Variants in NCKAP1 observed in about 807,000 individuals in gnomAD.
The protein encoded by NCKAP1 is NCK associated protein 1, also known as nck-associated protein 1.
In NCKAP1, 21 loss-of-function variants were observed where a neutral mutation model predicts 151.2. The observed-to-expected ratio is 0.14, with a 90% CI of 0.10 to 0.20. The LOEUF (loss-of-function observed/expected upper bound fraction) is 0.20. NCKAP1 is among the 10% of genes least tolerant of loss of function. The pLI, the probability that NCKAP1 is intolerant of heterozygous loss-of-function variation, is 1.00. For missense variants in NCKAP1, 933 were observed against 1,352.1 expected, an observed-to-expected ratio of 0.69 and a Z score of 4.86; for synonymous variants, 484 against 451.8, an observed-to-expected ratio of 1.07 and a Z score of -0.90.
Position 182,967,377 on chromosome 2 carries a change from A to G in NCKAP1, c.1483-16T>C. 6.3e-7 allele frequency: 1 copy of G among 1,581,688 alleles called. No homozygotes were observed. Among genetic ancestry groups the G allele is most frequent in the African/African-American group, 1.4e-5 (1 of 72,678 alleles). ...TAGTATATGCCTATAAAGTACAAAA[A>G]AAAAAAAGTAGTTCAGGTAAACATA... On this transcript the variant is annotated splice_polypyrimidine_tract_variant and intron_variant, in intron 15 of 30. Transcript: ENST00000361354.
rs1315042137 is a variant in NCKAP1 at position 182,919,955 on chromosome 2, A to G, written c.*5747T>C. On this transcript the variant is annotated 3_prime_UTR_variant, in exon 31 of 31. Coordinates refer to ENST00000361354, the MANE Select transcript of NCKAP1 (RefSeq NM_013436.5). ...GAGTGAGCCACCGCGTCTGGCCTTA[A>G]TTATTATCGAGACCGGCTCTTGCTC... 1 of 152,056 alleles carries G rather than the reference A, an allele frequency of 6.6e-6. No individual in the cohort carries two copies. The highest frequency in any genetic ancestry group is 1.5e-5 in the Non-Finnish European group (1 of 68,064). 9.4% of individuals were successfully genotyped at this position (152,056 alleles called of 1,614,324 possible).
At position 182,917,957 on chromosome 2, in the gene NCKAP1, G is replaced by A. The variant is rs1232390441; in HGVS notation, c.*7745C>T. 2.0e-5 allele frequency: 3 copies of A among 152,104 alleles called. No homozygotes were observed. Among genetic ancestry groups the A allele is most frequent in the African/African-American group, 7.2e-5 (3 of 41,400 alleles). The allele number at this position is 152,104 out of a possible 1,614,324, so 9.4% of individuals were successfully genotyped here. A position where few individuals can be genotyped will look rare whatever the true frequency, so the allele number is the denominator to read the frequency against. ...CAGAAAGTGGGCATAGTGTCCCCAA[G>A]CCCACAGTCATTTACCCAGGAAATG... On this transcript the variant is annotated 3_prime_UTR_variant, in exon 31 of 31. Coordinates refer to ENST00000361354, the MANE Select transcript of NCKAP1 (RefSeq NM_013436.5).
chr2:182,983,674 T>C (rs1439863041), intron 10 of NCKAP1, among the ~76,000 whole-genome samples: 1 of 151,310 alleles, frequency 6.6e-6, no homozygotes, highest in African/African-American at 2.4e-5. Flanking sequence ...CATCTAGCTA[T>C]TTATTTATGA....
Position 182,977,020 on chromosome 2 carries a change from T to C in NCKAP1, c.1424-69A>G. ...GTTTTCACAATCTATAAGCACATTT[T>C]AAATTTTAAGAGCTAAGACAATTCT... On this transcript the variant is annotated intron_variant, in intron 14 of 30. Transcript: ENST00000361354. The C allele has an allele frequency of 4.4e-6, 5 of 1,130,470 alleles. No homozygotes were observed. In the South Asian group the frequency reaches 6.9e-5, roughly 16 times the overall value. 70.0% of individuals were successfully genotyped at this position (1,130,470 alleles called of 1,614,324 possible).
chr2:183,025,775 T>C (rs2105895740), intron 1 of NCKAP1, among the ~76,000 whole-genome samples: 1 of 152,270 alleles, frequency 6.6e-6, no homozygotes, highest in Admixed American at 6.5e-5. Flanking sequence ...CAAACACAAA[T>C]AGCTATAGAT....
intron 17 of NCKAP1, among the ~76,000 whole-genome samples, chr2:182,963,732 C>A (rs1205161264): frequency 2.0e-5 from 3 of 151,956 alleles, no homozygotes; most frequent in African/African-American, 7.2e-5. Flanking sequence ...TGATGGTGAG[C>A]AAACAGTTAA....
rs756569388 is a variant in NCKAP1, at chr2:182,940,117, G to A, written c.2695+1953C>T. ...TAAATAAAGTACTGAACACTGCAGC[G>A]GATTATTTGCTTCTAATTAGATGGA... On this transcript the variant is annotated intron_variant, in intron 24 of 30. Transcript: ENST00000361354. 3.9e-5 allele frequency among the ~76,000 whole-genome samples: 6 copies of A among 151,984 alleles called. 1 individual carries two copies. Among genetic ancestry groups the A allele is most frequent in the South Asian group, 2.1e-4 (1 of 4,816 alleles).
chr2:182,926,352 T>G (rs755630953), intron 30 of NCKAP1, among the ~76,000 whole-genome samples: 1 of 151,916 alleles, frequency 6.6e-6, no homozygotes, highest in Non-Finnish European at 1.5e-5. Context: ...TTTCTGCAGG[T>G]AAGGAAAATA....
chr2:182,990,716 C>A lies in NCKAP1; in HGVS notation c.791-1530G>T, dbSNP rs1479976278. 2.0e-5 allele frequency among the ~76,000 whole-genome samples: 3 copies of A among 152,232 alleles called. No homozygotes were observed. The East Asian group carries it at 5.8e-4, about 29-fold the overall frequency. On this transcript the variant is annotated intron_variant, in intron 8 of 30. Coordinates refer to ENST00000361354, the MANE Select transcript of NCKAP1 (RefSeq NM_013436.5). ...TTCCCTATGATTCTCAATAATCACT[C>A]CCATGTTTAAACTCCTATTATAGCT...
intron 24 of NCKAP1, among the ~76,000 whole-genome samples, chr2:182,938,874 A>C (rs1696935643): frequency 6.6e-6 from 1 of 152,206 alleles, no homozygotes; most frequent in African/African-American, 2.4e-5. Flanking sequence ...AGCCAGAACA[A>C]GGAGTTCAAT....
At chr2:183,017,250 A>G (rs1423280359) in intron 2 of NCKAP1, among the ~76,000 whole-genome samples, 1 of 152,156 alleles carries the variant, frequency 6.6e-6, no homozygotes, top group Non-Finnish European at 1.5e-5. Context: ...TGACTAAAGC[A>G]CATTACATTT....
chr2:182,921,998 G>A lies in NCKAP1; in HGVS notation c.*3704C>T, dbSNP rs138772247. Reference sequence around the variant, plus strand: ...AAGGCAGAGGTCATGGCAAATCTTCGGAGAAAGAGAGCATTTTGTCTATTT... The same window carrying A: ...AAGGCAGAGGTCATGGCAAATCTTCAGAGAAAGAGAGCATTTTGTCTATTT... On this transcript the variant is annotated 3_prime_UTR_variant, in exon 31 of 31. Transcript: ENST00000361354. 6.6e-6 allele frequency: 1 copy of A among 152,106 alleles called. No individual in the cohort carries two copies. Among genetic ancestry groups the A allele is most frequent in the Non-Finnish European group, 1.5e-5 (1 of 68,022 alleles). 9.4% of individuals were successfully genotyped at this position (152,106 alleles called of 1,614,324 possible).
chr2:182,954,299 C>A (rs563890512), intron 20 of NCKAP1, among the ~76,000 whole-genome samples: 1 of 152,120 alleles, frequency 6.6e-6, no homozygotes, highest in African/African-American at 2.4e-5. Context: ...CTGTATACGA[C>A]TAAAAAGGAA....
At chr2:182,969,695 T>C (rs538152366) in intron 15 of NCKAP1, among the ~76,000 whole-genome samples, 58 of 151,886 alleles carry the variant, frequency 3.8e-4, no homozygotes, top group Non-Finnish European at 6.2e-4. Flanking sequence ...ATTAATAAAG[T>C]AGAAAGACCA....
At chr2:182,935,480 T>A in intron 24 of NCKAP1, 105 bp from the exon 25 acceptor site, 1 of 603,452 alleles carries the variant, frequency 1.7e-6, no homozygotes, top group Non-Finnish European at 2.8e-6. Context: ...AAAATTCCCA[T>A]GATAAAAGGC....
rs938609602 is a variant in NCKAP1 at position 182,911,730 on chromosome 2, A to G, written c.*13972T>C. 6.6e-6 allele frequency: 1 copy of G among 152,062 alleles called. No homozygotes were observed. Among genetic ancestry groups the G allele is most frequent in the Non-Finnish European group, 1.5e-5 (1 of 68,008 alleles). The allele number at this position is 152,062 out of a possible 1,614,324, so 9.4% of individuals were successfully genotyped here. A position where few individuals can be genotyped will look rare whatever the true frequency, so the allele number is the denominator to read the frequency against. On this transcript the variant is annotated 3_prime_UTR_variant, in exon 31 of 31. Transcript: ENST00000361354. ...ACAATGAGAAAACAGATTGCTGTTGATGGGAATTATTAAAAAAAAACAAAA... is the reference window on the plus strand; with the variant it reads ...ACAATGAGAAAACAGATTGCTGTTGGTGGGAATTATTAAAAAAAAACAAAA...
chr2:182,981,325 C>A lies in NCKAP1; in HGVS notation c.1260G>T (p.Arg420Ser). ...ACCTCTGCATTACAGGTCCGTATTT[C>A]CTCACATGTGCTCTAAGTTCTTCCA... ...FYMEELRAHVRKYGPVMQRYY... is the reference protein window; with the variant it reads ...FYMEELRAHVSKYGPVMQRYY... The change falls in exon 13 of 31, where the codon AGG becomes AGT. Residue 420 changes from arginine to serine, a missense_variant. Coordinates refer to ENST00000361354, the MANE Select transcript of NCKAP1 (RefSeq NM_013436.5). 1 of 1,613,576 alleles carries A rather than the reference C, an allele frequency of 6.2e-7. No homozygotes were observed. The highest frequency in any genetic ancestry group is 8.5e-7 in the Non-Finnish European group (1 of 1,179,572).
chr2:182,939,784 C>G (rs1385241008), intron 24 of NCKAP1, among the ~76,000 whole-genome samples: 1 of 152,112 alleles, frequency 6.6e-6, no homozygotes, highest in East Asian at 1.9e-4. Context: ...ATAGTTCTCT[C>G]TACTCTCCTA....
chr2:182,962,901 A>AT (rs1304210137), intron 17 of NCKAP1, among the ~76,000 whole-genome samples: 1 of 151,432 alleles, frequency 6.6e-6, no homozygotes, highest in African/African-American at 2.4e-5. Flanking sequence ...CAATCGTTTG[A>AT]TTGTTTTTTT....
Sources: allele counts gnomAD v4.1 joint callset (sites outside exome capture counted in the v4.1 genomes callset), GRCh38; gene constraint gnomAD v4.1.1; transcripts MANE v1.5; gene names NCBI Gene and HGNC (gene_info 2026-07-23, HGNC 2026-07-21).